IMMP2L: variants seen among roughly 807,000 people sequenced by gnomAD.
IMMP2L encodes the protein mitochondrial inner membrane protease subunit 2.
A neutral mutation model predicts 19.3 loss-of-function variants in IMMP2L; 18 were observed. The observed-to-expected ratio is 0.93, with a 90% CI of 0.64 to 1.38. The LOEUF (loss-of-function observed/expected upper bound fraction) is 1.38. Among genes scored for constraint, IMMP2L ranks in the 40% most tolerant of loss-of-function variants. The pLI is 0.00. For missense variants in IMMP2L, 233 were observed against 218.2 expected (o/e 1.07, Z -0.43); for synonymous variants, 76 against 73.0 (o/e 1.04, Z -0.21).
chr7:111,401,832 AT>A (rs1289824348), intron 3 of IMMP2L, among the ~76,000 whole-genome samples: 4 of 152,086 alleles, frequency 2.6e-5, no homozygotes, highest in Non-Finnish European at 5.9e-5. Context: ...TTATTAAACC[AT>A]TATTTATTTA....
intron 5 of IMMP2L, among the ~76,000 whole-genome samples, chr7:110,880,420 A>G (rs550419109): frequency 6.6e-6 from 1 of 152,252 alleles, no homozygotes; most frequent in Admixed American, 6.5e-5. Flanking sequence ...AACGTTATTT[A>G]CGTAGTTTGG....
chr7:111,545,215 C>T (rs1221734235), intron 1 of IMMP2L, among the ~76,000 whole-genome samples: 2 of 152,094 alleles, frequency 1.3e-5, no homozygotes, highest in Admixed American at 1.3e-4. Context: ...AACTCCATAG[C>T]AGTCATCCTA....
intron 3 of IMMP2L, among the ~76,000 whole-genome samples, chr7:111,438,160 G>A: frequency 6.6e-6 from 1 of 150,614 alleles, no homozygotes; most frequent in East Asian, 1.9e-4. Flanking sequence ...CAATATGAAT[G>A]AATTATAATA....
intron 3 of IMMP2L, chr7:111,392,775 TA>T (rs752278646): frequency 2.2e-6 from 1 of 456,400 alleles, no homozygotes; most frequent in African/African-American, 2.0e-5. Flanking sequence ...AGAGTGGTCA[TA>T]AAACTCCAAA....
At chr7:111,354,088 G>A (rs961774584) in intron 3 of IMMP2L, among the ~76,000 whole-genome samples, 2 of 151,448 alleles carry the variant, frequency 1.3e-5, no homozygotes, top group Non-Finnish European at 1.5e-5. Context: ...GGAAAAATGG[G>A]GACAGAATAA....
At chr7:111,016,119 A>C (rs1825492186) in intron 3 of IMMP2L, among the ~76,000 whole-genome samples, 1 of 152,028 alleles carries the variant, frequency 6.6e-6, no homozygotes, top group African/African-American at 2.4e-5. Flanking sequence ...GTGCATTGCA[A>C]AAAACAACTA....
At chr7:111,109,221 A>T (rs1798903951) in intron 3 of IMMP2L, among the ~76,000 whole-genome samples, 1 of 152,170 alleles carries the variant, frequency 6.6e-6, no homozygotes, top group African/African-American at 2.4e-5. Context: ...GTTCATTGCC[A>T]GCTACATGAT....
At chr7:110,754,793 T>A (rs1797938908) in intron 5 of IMMP2L, among the ~76,000 whole-genome samples, 1 of 152,072 alleles carries the variant, frequency 6.6e-6, no homozygotes, top group Admixed American at 6.6e-5. Flanking sequence ...ACTTCACTGT[T>A]TAATCACCCA....
Position 110,896,642 on chromosome 7 carries a change from G to GTTAA in IMMP2L, c.306-9948_306-9947insTTAA, listed in dbSNP as rs1265086230. On this transcript the variant is annotated intron_variant, in intron 4 of 5. Transcript: ENST00000405709. ...AAAATTTTTAATTTCAAAATACTGA[G>GTTAA]GTATTTTCGTATGTTATTTTACATA... 1.8e-4 allele frequency among the ~76,000 whole-genome samples: 5 copies of GTTAA among 27,460 alleles called. 1 individual carries two copies. Among genetic ancestry groups the GTTAA allele is most frequent in the African/African-American group, 1.2e-3 (2 of 1,640 alleles). The allele number at this position is 27,460 out of a possible 152,430, so 18.0% of individuals were successfully genotyped here.
intron 3 of IMMP2L, among the ~76,000 whole-genome samples, chr7:111,054,282 C>T (rs1220342376): frequency 6.6e-6 from 1 of 151,946 alleles, no homozygotes; most frequent in Non-Finnish European, 1.5e-5. Flanking sequence ...TTTTAAATGT[C>T]CTTTTCTCTC....
At chr7:111,221,613 A>G (rs1485723694) in intron 3 of IMMP2L, among the ~76,000 whole-genome samples, 1 of 152,048 alleles carries the variant, frequency 6.6e-6, no homozygotes, top group East Asian at 1.9e-4. Context: ...GGGGAAAATT[A>G]TAAAACCTTA....
chr7:110,671,685 C>A (rs1791932114), intron 5 of IMMP2L, among the ~76,000 whole-genome samples: 1 of 152,100 alleles, frequency 6.6e-6, no homozygotes, highest in South Asian at 2.1e-4. Flanking sequence ...TCCCTCCCCT[C>A]CCTTTCCACA....
At chr7:111,477,575 T>C (rs1280019172) in intron 3 of IMMP2L, among the ~76,000 whole-genome samples, 1 of 152,168 alleles carries the variant, frequency 6.6e-6, no homozygotes, top group East Asian at 1.9e-4. Flanking sequence ...ATATTTTTGC[T>C]TCTTTGAAGG....
chr7:110,801,190 A>G (rs1453325925), intron 5 of IMMP2L, among the ~76,000 whole-genome samples: 1 of 152,044 alleles, frequency 6.6e-6, no homozygotes. Flanking sequence ...TGGAAAGCCA[A>G]AACTACTCAT....
intron 3 of IMMP2L, among the ~76,000 whole-genome samples, chr7:111,116,538 A>G (rs1316322274): frequency 6.6e-6 from 1 of 152,194 alleles, no homozygotes; most frequent in Admixed American, 6.5e-5. Flanking sequence ...ATTTCTTTAT[A>G]ATGGCAATCC....
intron 3 of IMMP2L, among the ~76,000 whole-genome samples, chr7:111,034,762 A>G (rs564472710): frequency 3.3e-5 from 5 of 152,138 alleles, no homozygotes; most frequent in Non-Finnish European, 7.4e-5. Flanking sequence ...AGCAGCAAAA[A>G]CTTAAATGTG....
chr7:111,508,680 T>C (rs1444675550), intron 2 of IMMP2L, among the ~76,000 whole-genome samples: 1 of 151,916 alleles, frequency 6.6e-6, no homozygotes, highest in Non-Finnish European at 1.5e-5. Flanking sequence ...ATGCAAAAAA[T>C]GTTAAAGCAA....
intron 5 of IMMP2L, among the ~76,000 whole-genome samples, chr7:110,875,382 G>C (rs2129544288): frequency 6.6e-6 from 1 of 151,946 alleles, no homozygotes; most frequent in South Asian, 2.1e-4. Flanking sequence ...ACTATGCTTT[G>C]TTTTTGTGTT....
chr7:111,492,997 C>T (rs1684590252), intron 2 of IMMP2L, among the ~76,000 whole-genome samples: 1 of 152,148 alleles, frequency 6.6e-6, no homozygotes, highest in Non-Finnish European at 1.5e-5. Context: ...CATTTTTGTA[C>T]ACCTAATCCC....
Sources: gnomAD v4.1 joint callset for allele counts (sites outside exome capture counted in the v4.1 genomes callset) on GRCh38, gnomAD v4.1.1 for gene constraint, MANE v1.5 for transcripts, NCBI Gene and HGNC (gene_info 2026-07-23, HGNC 2026-07-21) for gene names.